Variants in ST18 observed in about 807,000 individuals in gnomAD.
The protein encoded by ST18 is ST18 C2H2C-type zinc finger transcription factor.
ST18 carries 50 observed loss-of-function variants against 110.0 expected under a neutral mutation model. That is an observed-to-expected ratio of 0.45 (90% CI 0.36 to 0.58). ST18 has a LOEUF of 0.58. Among genes scored for constraint, ST18 ranks in the 20% least tolerant of loss-of-function variants. ST18 has a pLI of 0.00. For synonymous variants in ST18, 461 were observed against 452.4 expected (o/e 1.02, Z -0.24); for missense variants, 1,306 against 1,280.1 (o/e 1.02, Z -0.31).
intron 10 of ST18, among the ~76,000 whole-genome samples, chr8:52,169,670 A>C (rs1050851558): frequency 2.0e-5 from 3 of 152,210 alleles, no homozygotes; most frequent in Admixed American, 1.3e-4. Context: ...GAGAAAAAAC[A>C]TCCTTCTTGT....
intron 2 of ST18, among the ~76,000 whole-genome samples, chr8:52,390,443 A>G (rs1838912100): frequency 6.6e-6 from 1 of 152,222 alleles, no homozygotes; most frequent in Non-Finnish European, 1.5e-5. Context: ...GACAAGATGC[A>G]TTTAAACTTT....
At chr8:52,130,163 G>GAAAGAAAGAA (rs1554586162) in intron 22 of ST18, among the ~76,000 whole-genome samples, 1 of 144,238 alleles carries the variant, frequency 6.9e-6, no homozygotes, top group African/African-American at 2.7e-5. Flanking sequence ...AAGAAAGAAA[G>GAAAGAAAGAA]AAAAAGAAAA....
chr8:52,135,227 T>A (rs1431780411), intron 19 of ST18, among the ~76,000 whole-genome samples: 2 of 152,044 alleles, frequency 1.3e-5, no homozygotes, highest in Admixed American at 1.3e-4. Context: ...ATAAAATGAC[T>A]TCTAAAATCC....
At chr8:52,207,819 A>G (rs894804027) in intron 8 of ST18, among the ~76,000 whole-genome samples, 1 of 152,216 alleles carries the variant, frequency 6.6e-6, no homozygotes, top group African/African-American at 2.4e-5. Flanking sequence ...TCCTAATTAG[A>G]GGAAGGGGGC....
intron 23 of ST18, among the ~76,000 whole-genome samples, chr8:52,125,283 A>G (rs1444034346): frequency 6.6e-6 from 1 of 152,176 alleles, no homozygotes; most frequent in African/African-American, 2.4e-5. Flanking sequence ...CTCTATAAAA[A>G]TATCATGTTG....
intron 2 of ST18, among the ~76,000 whole-genome samples, chr8:52,379,250 G>A (rs1213546078): frequency 2.0e-5 from 3 of 151,550 alleles, no homozygotes; most frequent in Non-Finnish European, 2.9e-5. Context: ...GGTGTGCACG[G>A]TTACGCCCAG....
At chr8:52,373,818 C>G (rs1215832793) in intron 2 of ST18, among the ~76,000 whole-genome samples, 1 of 152,130 alleles carries the variant, frequency 6.6e-6, no homozygotes, top group East Asian at 1.9e-4. Context: ...TATGCCTGCT[C>G]TGTCTCTGCA....
At chr8:52,283,984 T>C (rs148480383) in intron 2 of ST18, among the ~76,000 whole-genome samples, 23 of 152,342 alleles carry the variant, frequency 1.5e-4, no homozygotes, top group African/African-American at 5.5e-4. Flanking sequence ...GAATTGGGGT[T>C]GATTTTAAAA....
intron 16 of ST18, among the ~76,000 whole-genome samples, chr8:52,148,360 C>T (rs1344649204): frequency 6.6e-6 from 1 of 152,162 alleles, no homozygotes; most frequent in East Asian, 1.9e-4. Flanking sequence ...ATCCCCTCAT[C>T]CTTCCATGTG....
intron 2 of ST18, among the ~76,000 whole-genome samples, chr8:52,282,784 G>A (rs1184890383): frequency 6.6e-6 from 1 of 152,142 alleles, no homozygotes; most frequent in Admixed American, 6.5e-5. Context: ...CTGCCACTTA[G>A]GGAACAGCAA....
chr8:52,140,254 G>T (rs887725087), intron 17 of ST18, among the ~76,000 whole-genome samples: 3 of 152,228 alleles, frequency 2.0e-5, no homozygotes, highest in Non-Finnish European at 2.9e-5. Flanking sequence ...ATTAGACTGG[G>T]CGTGGTGGCT....
intron 14 of ST18, 122 bp downstream of exon 14, chr8:52,161,253 C>T: frequency 6.5e-6 from 6 of 925,704 alleles, no homozygotes; most frequent in Non-Finnish European, 9.4e-6. Context: ...AATATATTTT[C>T]TCTCCTGCCA....
chr8:52,199,166 C>A (rs1187297724), intron 8 of ST18: 1 of 148,810 alleles, frequency 6.7e-6, no homozygotes, highest in Non-Finnish European at 1.5e-5. Flanking sequence ...TACAACTGCT[C>A]TTTCTGGAGA....
intron 2 of ST18, among the ~76,000 whole-genome samples, chr8:52,370,134 C>T (rs568110227): frequency 2.0e-5 from 3 of 152,288 alleles, no homozygotes; most frequent in Admixed American, 2.0e-4. Context: ...AATAGAAGCA[C>T]CACTTTGGTT....
intron 2 of ST18, among the ~76,000 whole-genome samples, chr8:52,297,183 G>A (rs540591072): frequency 1.3e-5 from 2 of 152,158 alleles, no homozygotes; most frequent in Non-Finnish European, 2.9e-5. Flanking sequence ...CGCAGGCTGT[G>A]GGGGGTGCAG....
chr8:52,118,415 G>A lies in ST18; in HGVS notation c.2782C>T (p.His928Tyr), dbSNP rs748977134. The A allele has an allele frequency of 2.5e-6, 4 of 1,610,190 alleles. No homozygotes were observed. In the African/African-American group the frequency reaches 5.4e-5, roughly 22 times the overall value. Residue 928 changes from histidine (H) to tyrosine (Y), a missense_variant, in exon 24 of 26, where the codon CAT (histidine) becomes TAT (tyrosine). By Grantham distance (83) the His-to-Tyr change is moderately conservative. Transcript: ENST00000689386. ...AGTTCCTTTATTTCTTCATCCAAATGCCTAATTTCTTCATCACTCTCTATT... is the reference window on the plus strand; with the variant it reads ...AGTTCCTTTATTTCTTCATCCAAATACCTAATTTCTTCATCACTCTCTATT... The part of the protein sequence containing the change: ...GGIESDEEIR[H>Y]LDEEIKELNE...
At chr8:52,272,950 T>G (rs2095123601) in intron 2 of ST18, among the ~76,000 whole-genome samples, 1 of 152,118 alleles carries the variant, frequency 6.6e-6, no homozygotes, top group African/African-American at 2.4e-5. Flanking sequence ...AAAATTTCAG[T>G]CAAGCAAAAT....
Position 52,342,706 on chromosome 8 carries a change from C to T in ST18, c.-465+66622G>A, listed in dbSNP as rs184323144. Among the ~76,000 whole-genome samples the T allele has an allele frequency of 3.1e-4, 47 of 152,202 alleles. No homozygotes were observed. The South Asian group carries it at 3.1e-3, about 10-fold the overall frequency. On this transcript the variant is annotated intron_variant, in intron 2 of 25. Coordinates refer to ENST00000689386, the MANE Select transcript of ST18 (RefSeq NM_001352837.2). Reference sequence around the variant, plus strand: ...GCATTTCTAATGGGCTGTGAAAAGACGTTGAAACTGCTGGTCCAGGGCCTG... The same window carrying T: ...GCATTTCTAATGGGCTGTGAAAAGATGTTGAAACTGCTGGTCCAGGGCCTG...
chr8:52,359,251 C>T (rs556426811), intron 2 of ST18, among the ~76,000 whole-genome samples: 1 of 152,098 alleles, frequency 6.6e-6, no homozygotes, highest in South Asian at 2.1e-4. Flanking sequence ...TGGTAAAAGG[C>T]ATTTAAGCAA....
Sources: allele counts gnomAD v4.1 joint callset (sites outside exome capture counted in the v4.1 genomes callset), GRCh38; gene constraint gnomAD v4.1.1; transcripts MANE v1.5; gene names NCBI Gene and HGNC (gene_info 2026-07-23, HGNC 2026-07-21).